The following PACSIN1 variants were observed in gnomAD, a reference collection of about 807,000 sequenced individuals.
The protein encoded by PACSIN1 is protein kinase C and casein kinase substrate in neurons 1.
A neutral mutation model predicts 59.5 loss-of-function variants in PACSIN1; 15 were observed. The ratio of observed to expected loss-of-function variants is 0.25; its 90% CI spans 0.17 to 0.39. The LOEUF is 0.39. Ranked by LOEUF, PACSIN1 falls within the 10% of genes least tolerant of loss-of-function variation. The pLI is 1.00. For synonymous variants in PACSIN1, 210 were observed against 220.6 expected (o/e 0.95, Z 0.42); for missense variants, 420 against 580.2 (o/e 0.72, Z 2.84).
chr6:34,487,378 C>T (rs964797237), intron 1 of PACSIN1, among the ~76,000 whole-genome samples: 7 of 152,170 alleles, frequency 4.6e-5, no homozygotes, highest in African/African-American at 1.2e-4. Flanking sequence ...CATGGAATCA[C>T]GTGGAATGTG....
Position 34,531,624 on chromosome 6 carries a change from G to GC in PACSIN1, c.1065dup (p.Tyr356LeufsTer18). On this transcript the variant is annotated frameshift_variant, in exon 9 of 10. Transcript: ENST00000244458. LOFTEE classifies it high-confidence loss of function. The surrounding 1 kb of genome is among the most constrained non-coding windows in gnomAD (Gnocchi z 4.4). ...GTGTTAGCAGCTACGACAGAGGCCA[G>GC]CCCTACGCCACCGAGTGGTCAGACG... 6.2e-7 allele frequency: 1 copy of GC among 1,613,990 alleles called. No homozygotes were observed. Among genetic ancestry groups the GC allele is most frequent in the Non-Finnish European group, 8.5e-7 (1 of 1,180,016 alleles).
At chr6:34,517,885 A>G (rs1767320410) in intron 1 of PACSIN1, among the ~76,000 whole-genome samples, 1 of 152,124 alleles carries the variant, frequency 6.6e-6, no homozygotes, top group Admixed American at 6.5e-5. Context: ...TGTCTTGTTC[A>G]CTGCTGTAGC....
chr6:34,475,007 A>C (rs192824589), intron 1 of PACSIN1, among the ~76,000 whole-genome samples: 20 of 152,026 alleles, frequency 1.3e-4, no homozygotes, highest in African/African-American at 4.8e-4. Flanking sequence ...TGATGTTCAC[A>C]TCTCCACCCA....
intron 1 of PACSIN1, among the ~76,000 whole-genome samples, chr6:34,482,156 G>A (rs966755232): frequency 2.0e-5 from 3 of 151,934 alleles, no homozygotes; most frequent in Non-Finnish European, 4.4e-5. Context: ...GCGTGACCTC[G>A]GCTCACCGCA....
At chr6:34,495,811 C>A (rs1394210909) in intron 1 of PACSIN1, among the ~76,000 whole-genome samples, 2 of 152,152 alleles carry the variant, frequency 1.3e-5, no homozygotes, top group African/African-American at 4.8e-5. Flanking sequence ...AAACTACTTC[C>A]CTAAATCATA....
chr6:34,518,920 C>G lies in PACSIN1; in HGVS notation c.-63-7323C>G, dbSNP rs767059128. Among the ~76,000 whole-genome samples the G allele has an allele frequency of 6.6e-6, 1 of 152,226 alleles. No homozygotes were observed. The highest frequency in any genetic ancestry group is 6.5e-5 in the Admixed American group (1 of 15,292). ...CACCTGAAACAGGCTTAGAGGCCCTCTAAAGATGTGGGCTGTGCAAAATGG... is the reference window on the plus strand; with the variant it reads ...CACCTGAAACAGGCTTAGAGGCCCTGTAAAGATGTGGGCTGTGCAAAATGG... On this transcript the variant is annotated intron_variant, in intron 1 of 9. Transcript: ENST00000244458. The surrounding 1 kb of genome is among the most constrained non-coding windows in gnomAD (Gnocchi z 4.4).
At chr6:34,492,701 G>A (rs1044022494) in intron 1 of PACSIN1, among the ~76,000 whole-genome samples, 4 of 152,202 alleles carry the variant, frequency 2.6e-5, no homozygotes, top group African/African-American at 9.7e-5. Context: ...TAATTCTAGT[G>A]AATTAATGCA....
intron 1 of PACSIN1, among the ~76,000 whole-genome samples, chr6:34,472,452 C>A (rs1052343202): frequency 6.6e-6 from 1 of 152,056 alleles, no homozygotes; most frequent in African/African-American, 2.4e-5. Flanking sequence ...AGGGAGAATG[C>A]GTCCTCTTTA....
At position 34,529,339 on chromosome 6, in the gene PACSIN1, C is replaced by T. The variant is rs973556141; in HGVS notation, c.457-58C>T. The T allele has an allele frequency of 1.9e-6, 3 of 1,597,172 alleles. No homozygotes were observed. The highest frequency in any genetic ancestry group is 2.7e-5 in the African/African-American group (2 of 74,548). On this transcript the variant is annotated intron_variant, in intron 4 of 9. Coordinates refer to ENST00000244458, the MANE Select transcript of PACSIN1 (RefSeq NM_020804.5). This position sits in a 1 kb window ranked among gnomAD's most constrained non-coding sequence, Gnocchi z 6.3. ...GGGCAGGGGAGGAGTTAATGGGTGA[C>T]CATGTTTGCTGCTGGTCACAAATGA...
intron 1 of PACSIN1, among the ~76,000 whole-genome samples, chr6:34,500,508 G>A (rs1188664956): frequency 6.6e-6 from 1 of 152,192 alleles, no homozygotes; most frequent in Non-Finnish European, 1.5e-5. Context: ...CCGTCAACTT[G>A]GATGTGCTGT....
At chr6:34,481,346 G>T (rs1053515579) in intron 1 of PACSIN1, among the ~76,000 whole-genome samples, 1 of 152,158 alleles carries the variant, frequency 6.6e-6, no homozygotes, top group African/African-American at 2.4e-5. Flanking sequence ...CACCGCGCCT[G>T]GCTTCTGACA....
intron 1 of PACSIN1, among the ~76,000 whole-genome samples, chr6:34,469,546 A>C (rs1208580581): frequency 6.6e-6 from 1 of 152,176 alleles, no homozygotes; most frequent in African/African-American, 2.4e-5. Flanking sequence ...GTGGACTCTG[A>C]TGCAGCCCAA....
chr6:34,512,541 C>T (rs1767220917), intron 1 of PACSIN1, among the ~76,000 whole-genome samples: 1 of 152,170 alleles, frequency 6.6e-6, no homozygotes, highest in African/African-American at 2.4e-5. Context: ...TGCTCTTGGG[C>T]GCCGGGAGTC....
At chr6:34,470,305 T>C (rs1458372896) in intron 1 of PACSIN1, among the ~76,000 whole-genome samples, 2 of 151,744 alleles carry the variant, frequency 1.3e-5, no homozygotes, top group African/African-American at 2.4e-5. Context: ...CTCAGCCTCC[T>C]GAGTAGCTGG....
chr6:34,527,616 C>T lies in PACSIN1; in HGVS notation c.220+128C>T, dbSNP rs552637955. On this transcript the variant is annotated intron_variant, in intron 3 of 9. Transcript: ENST00000244458. ...CTACCAGACACAGGACATTTTCAGG[C>T]GCTGTTCCCTCCTAGATCAAACCAG... The T allele has an allele frequency of 2.6e-5, 21 of 792,888 alleles. 1 individual carries two copies. Among genetic ancestry groups the T allele is most frequent in the South Asian group, 2.4e-4 (10 of 41,350 alleles). 49.1% of individuals were successfully genotyped at this position (792,888 alleles called of 1,614,324 possible).
chr6:34,503,778 T>C (rs1364711689), intron 1 of PACSIN1, among the ~76,000 whole-genome samples: 10 of 152,240 alleles, frequency 6.6e-5, no homozygotes, highest in Admixed American at 6.5e-4. Flanking sequence ...GTTATATTTT[T>C]AAAATTGAAG....
At chr6:34,503,222 T>C (rs1180682487) in intron 1 of PACSIN1, among the ~76,000 whole-genome samples, 1 of 150,936 alleles carries the variant, frequency 6.6e-6, no homozygotes, top group Non-Finnish European at 1.5e-5. Context: ...TGAGCTATGA[T>C]TGTGCCACTG....
chr6:34,469,408 G>T (rs1766541065), intron 1 of PACSIN1, among the ~76,000 whole-genome samples: 3 of 152,094 alleles, frequency 2.0e-5, no homozygotes, highest in Admixed American at 6.6e-5. Flanking sequence ...GGGAGGTCTG[G>T]GCTGGGGACT....
intron 1 of PACSIN1, among the ~76,000 whole-genome samples, chr6:34,509,244 C>T (rs141915072): frequency 6.6e-6 from 1 of 152,246 alleles, no homozygotes; most frequent in African/African-American, 2.4e-5. Context: ...AAGCAGTTTT[C>T]CCATCACCAT....
Sources: allele counts gnomAD v4.1 joint callset (sites outside exome capture counted in the v4.1 genomes callset), GRCh38; gene constraint gnomAD v4.1.1; non-coding constraint Gnocchi (gnomAD v3.1); transcripts MANE v1.5; gene names NCBI Gene and HGNC (gene_info 2026-07-23, HGNC 2026-07-21).